Variants in FMN1 observed in about 807,000 individuals in gnomAD.
FMN1 encodes the protein formin-1.
FMN1 carries 110 observed loss-of-function variants against 132.4 expected under a neutral mutation model. The observed-to-expected ratio is 0.83, with a 90% CI of 0.71 to 0.97. The LOEUF is 0.97. Ranked by LOEUF, FMN1 falls within the 50% of genes least tolerant of loss-of-function variation. The pLI, the probability that FMN1 is intolerant of heterozygous loss-of-function variation, is 0.00. For synonymous variants in FMN1, 722 were observed against 651.7 expected (o/e 1.11, Z -1.64); for missense variants, 1,792 against 1,705.3 (o/e 1.05, Z -0.90).
chr15:32,854,058 A>G (rs909475941), intron 17 of FMN1, among the ~76,000 whole-genome samples: 13 of 152,242 alleles, frequency 8.5e-5, no homozygotes, highest in Non-Finnish European at 5.9e-5. Flanking sequence ...TTTAGCTAAT[A>G]TATTTTGTCA....
intron 2 of FMN1, among the ~76,000 whole-genome samples, chr15:33,185,568 ATTTT>A (rs57232200): frequency 4.4e-5 from 5 of 113,440 alleles, no homozygotes; most frequent in Admixed American, 8.8e-5. Context: ...TAAAGTAAGA[ATTTT>A]TTTTTTTTTT....
At chr15:33,026,121 A>G (rs1266311450) in intron 6 of FMN1, among the ~76,000 whole-genome samples, 1 of 149,188 alleles carries the variant, frequency 6.7e-6, no homozygotes, top group Non-Finnish European at 1.5e-5. Flanking sequence ...ACACACACAC[A>G]CACACACACA....
At chr15:33,001,141 G>T (rs1011816985) in intron 7 of FMN1, among the ~76,000 whole-genome samples, 1 of 152,174 alleles carries the variant, frequency 6.6e-6, no homozygotes, top group Non-Finnish European at 1.5e-5. Context: ...AAATTAGCTG[G>T]ATGTGGTAGC....
At chr15:32,912,224 T>C (rs1024244860) in intron 10 of FMN1, among the ~76,000 whole-genome samples, 1 of 152,158 alleles carries the variant, frequency 6.6e-6, no homozygotes, top group African/African-American at 2.4e-5. Flanking sequence ...AATACTCAGT[T>C]TTTAAAAGTT....
intron 16 of FMN1, among the ~76,000 whole-genome samples, chr15:32,862,942 C>G (rs939091475): frequency 6.6e-6 from 1 of 152,188 alleles, no homozygotes; most frequent in Non-Finnish European, 1.5e-5. Flanking sequence ...CTCTTCCTCA[C>G]TTTTACAAGA....
intron 17 of FMN1, among the ~76,000 whole-genome samples, chr15:32,841,592 G>A (rs939484230): frequency 6.6e-6 from 1 of 152,168 alleles, no homozygotes; most frequent in African/African-American, 2.4e-5. Context: ...AAAGTCCTAG[G>A]AAATATATTC....
At chr15:33,012,242 A>C in intron 6 of FMN1, 1 of 697,246 alleles carries the variant, frequency 1.4e-6, no homozygotes, top group South Asian at 1.4e-5. Context: ...GGAACGCTCA[A>C]GAACTGTGTG....
chr15:33,017,312 TTTAG>T lies in FMN1; in HGVS notation c.2162-9241_2162-9238del, dbSNP rs1325981138. On this transcript the variant is annotated intron_variant, in intron 6 of 20. Coordinates refer to ENST00000616417, the MANE Select transcript of FMN1 (RefSeq NM_001277313.2). ...GCCAATTCTAATGTAAACTGTGGAC[TTTAG>T]TTAATAATAATGTATTGGGTCAACT... 1.1e-4 allele frequency among the ~76,000 whole-genome samples: 16 copies of T among 151,788 alleles called. No individual in the cohort carries two copies. In the East Asian group the frequency reaches 3.1e-3, roughly 29 times the overall value.
At chr15:32,955,699 C>G in intron 9 of FMN1, among the ~76,000 whole-genome samples, 1 of 152,108 alleles carries the variant, frequency 6.6e-6, no homozygotes, top group Non-Finnish European at 1.5e-5. Context: ...CATAGCATAT[C>G]CTGTACTTTT....
intron 12 of FMN1, among the ~76,000 whole-genome samples, chr15:32,906,575 C>T (rs2060430384): frequency 6.6e-6 from 1 of 152,212 alleles, no homozygotes; most frequent in Admixed American, 6.5e-5. Context: ...GAGAATATTA[C>T]TGTGTAACTT....
chr15:32,947,267 A>G (rs2061530332), intron 9 of FMN1, among the ~76,000 whole-genome samples: 2 of 151,956 alleles, frequency 1.3e-5, no homozygotes, highest in African/African-American at 4.8e-5. Context: ...ACTTTTATTC[A>G]TAGTCAATTT....
intron 7 of FMN1, among the ~76,000 whole-genome samples, chr15:32,994,511 T>A (rs1413172336): frequency 6.6e-6 from 1 of 152,144 alleles, no homozygotes; most frequent in African/African-American, 2.4e-5. Flanking sequence ...TTAGACCCCA[T>A]CAGAGCAGCT....
chr15:33,018,483 C>T (rs68165423), intron 6 of FMN1, among the ~76,000 whole-genome samples: 10,403 of 151,814 alleles, frequency 0.069, 793 homozygotes, highest in African/African-American at 0.18. Context: ...AATAGAGCTT[C>T]CGTGAGAACC....
rs75864868 is a variant in FMN1 at position 32,993,662 on chromosome 15, G to T, written c.2223+14352C>A. ...ATTGTATATTTACCATGTTCCAGAGGGAGAATCAAGCTGTACACATTTACA... is the reference window on the plus strand; with the variant it reads ...ATTGTATATTTACCATGTTCCAGAGTGAGAATCAAGCTGTACACATTTACA... On this transcript the variant is annotated intron_variant, in intron 7 of 20. Coordinates refer to ENST00000616417, the MANE Select transcript of FMN1 (RefSeq NM_001277313.2). 7.9e-3 allele frequency among the ~76,000 whole-genome samples: 1,195 copies of T among 152,196 alleles called. 13 individuals carry two copies. Among genetic ancestry groups the T allele is most frequent in the African/African-American group, 0.027 (1,122 of 41,506 alleles).
At chr15:33,011,943 T>C (rs2034751849) in intron 6 of FMN1, among the ~76,000 whole-genome samples, 1 of 151,970 alleles carries the variant, frequency 6.6e-6, no homozygotes, top group Non-Finnish European at 1.5e-5. Flanking sequence ...ACAGCAGGAG[T>C]GCAAACTGGT....
intron 16 of FMN1, among the ~76,000 whole-genome samples, chr15:32,861,250 G>A (rs1437286316): frequency 6.6e-6 from 1 of 152,156 alleles, no homozygotes; most frequent in African/African-American, 2.4e-5. Context: ...ACTTCTCCCT[G>A]GTGAAAGCAA....
At chr15:33,018,961 T>G (rs1026429789) in intron 6 of FMN1, among the ~76,000 whole-genome samples, 2 of 152,088 alleles carry the variant, frequency 1.3e-5, no homozygotes, top group African/African-American at 4.8e-5. Flanking sequence ...ATAAAGACAA[T>G]GTGGGCCCAA....
At chr15:32,797,707 G>A (rs1012741674) in intron 19 of FMN1, among the ~76,000 whole-genome samples, 8 of 151,994 alleles carry the variant, frequency 5.3e-5, no homozygotes, top group African/African-American at 1.9e-4. Flanking sequence ...TAACTTCCTT[G>A]GAAAGAAAGA....
chr15:33,019,082 C>A (rs1404742290), intron 6 of FMN1, among the ~76,000 whole-genome samples: 1 of 152,196 alleles, frequency 6.6e-6, no homozygotes, highest in East Asian at 1.9e-4. Flanking sequence ...TGCTTTTATT[C>A]TCTTACCTGG....
Sources: gnomAD v4.1 joint callset for allele counts (sites outside exome capture counted in the v4.1 genomes callset) on GRCh38, gnomAD v4.1.1 for gene constraint, MANE v1.5 for transcripts, NCBI Gene and HGNC (gene_info 2026-07-23, HGNC 2026-07-21) for gene names.